Variants in EBF4 observed in about 807,000 individuals in gnomAD.
The protein encoded by EBF4 is transcription factor COE4.
A neutral mutation model predicts 67.1 loss-of-function variants in EBF4; 34 were observed. The ratio of observed to expected loss-of-function variants is 0.51; its 90% confidence interval spans 0.39 to 0.67. The LOEUF (loss-of-function observed/expected upper bound fraction) is 0.67. Ranked by LOEUF, EBF4 falls within the 30% of genes least tolerant of loss-of-function variation. EBF4 has a pLI of 0.00. For missense variants in EBF4, 837 were observed against 873.3 expected (o/e 0.96, Z 0.52); for synonymous variants, 387 against 377.7 (o/e 1.02, Z -0.29).
intron 5 of EBF4, among the ~76,000 whole-genome samples, chr20:2,708,606 G>C (rs1475127960): frequency 2.0e-5 from 3 of 152,190 alleles, no homozygotes; most frequent in Non-Finnish European, 4.4e-5. Flanking sequence ...TGTAATCCCA[G>C]CTACTTGGAA....
At chr20:2,732,519 C>T (rs1020376302) in intron 6 of EBF4, among the ~76,000 whole-genome samples, 3 of 152,234 alleles carry the variant, frequency 2.0e-5, no homozygotes, top group African/African-American at 2.4e-5. Context: ...TAATTTTTAT[C>T]TTAGTGTCTA....
intron 6 of EBF4, among the ~76,000 whole-genome samples, chr20:2,736,372 GC>G (rs2087877223): frequency 6.6e-6 from 1 of 152,156 alleles, no homozygotes; most frequent in South Asian, 2.1e-4. Flanking sequence ...TCTATTGGGG[GC>G]AAATTTAGAC....
intron 5 of EBF4, 137 bp downstream of exon 5, chr20:2,708,157 G>A (rs1198218279): frequency 2.2e-6 from 2 of 899,658 alleles, no homozygotes; most frequent in South Asian, 1.8e-5. Flanking sequence ...GGTGGCAGGT[G>A]ATGAAGGGAG....
intron 1 of EBF4, among the ~76,000 whole-genome samples, chr20:2,698,155 C>T (rs999092724): frequency 1.3e-5 from 2 of 152,036 alleles, no homozygotes; most frequent in Non-Finnish European, 1.5e-5. Flanking sequence ...GAGATTCTTC[C>T]CCCTCCCTTT....
At chr20:2,749,660 C>T (rs745516945) in exon 9 of EBF4, 3 of 1,567,656 alleles carry the variant, frequency 1.9e-6, no homozygotes, top group Non-Finnish European at 2.6e-6. Flanking sequence ...CCGGGGAGGG[C>T]TGGACCACGG....
In EBF4 at chr20:2,693,611, G is replaced by A. The variant is rs1600191328; in HGVS notation, c.-35G>A. ...CCGCAGCCTCAGCGGGACCGGATCC[G>A]GGGCGGCGGGGGCGCTCACTCACCG... is the stretch of plus-strand genomic sequence containing the variant. On this transcript the variant is annotated 5_prime_UTR_variant, in exon 1 of 17. Coordinates refer to ENST00000609451, the Ensembl canonical transcript of EBF4. The surrounding 1 kb of genome is among the most constrained non-coding windows in gnomAD (Gnocchi z 4.6). The A allele has an allele frequency of 2.9e-6, 4 of 1,357,554 alleles. No individual in the cohort carries two copies. The highest frequency in any genetic ancestry group is 3.8e-6 in the Non-Finnish European group (4 of 1,059,250). 84.1% of individuals were successfully genotyped at this position (1,357,554 alleles called of 1,614,324 possible). A position where few individuals can be genotyped will look rare whatever the true frequency, so the allele number is the denominator to read the frequency against.
chr20:2,753,081 G>T (rs2088183306), intron 14 of EBF4, among the ~76,000 whole-genome samples: 1 of 152,260 alleles, frequency 6.6e-6, no homozygotes, highest in South Asian at 2.1e-4. Context: ...TGTGTGATCA[G>T]ACAGAATTTG....
chr20:2,748,620 G>C, exon 7 of EBF4: 1 of 1,551,522 alleles, frequency 6.4e-7, no homozygotes, highest in Non-Finnish European at 8.7e-7. Context: ...AGAGACATGC[G>C]CCGCTTCCAG....
At chr20:2,736,769 C>A (rs2087883325) in intron 6 of EBF4, among the ~76,000 whole-genome samples, 2 of 152,096 alleles carry the variant, frequency 1.3e-5, no homozygotes, top group South Asian at 4.1e-4. Context: ...AGAGGGGGTT[C>A]AAGAGAGATT....
At position 2,707,942 on chromosome 20, in the gene EBF4, C is replaced by A. The variant is rs2087481880; in HGVS notation, c.415-5C>A. ...CCTCCAGCCTGTGCACCTCCCTCTC[C>A]CCAGGCCATCATCTATGAGGGGCAG... is the stretch of plus-strand genomic sequence containing the variant. On this transcript the variant is annotated splice_polypyrimidine_tract_variant and splice_region_variant and intron_variant, in intron 4 of 16. Transcript: ENST00000609451. The surrounding 1 kb of genome is among the most constrained non-coding windows in gnomAD (Gnocchi z 4.6). 1 of 1,590,962 alleles carries A rather than the reference C, an allele frequency of 6.3e-7. No individual in the cohort carries two copies. The highest frequency in any genetic ancestry group is 1.3e-5 in the African/African-American group (1 of 74,604).
chr20:2,709,253 C>T lies in EBF4; in HGVS notation c.489-321C>T, dbSNP rs553356769. Reference sequence around the variant, plus strand: ...CTCACCGTTTGAGCTCCTGTCTCTGCGTAGACTGTGCTTCCATAGAGAGAA... The same window carrying T: ...CTCACCGTTTGAGCTCCTGTCTCTGTGTAGACTGTGCTTCCATAGAGAGAA... On this transcript the variant is annotated intron_variant, in intron 5 of 16. Transcript: ENST00000609451. Among the ~76,000 whole-genome samples, 6 of 152,288 alleles carry T rather than the reference C, an allele frequency of 3.9e-5. No homozygotes were observed. In the South Asian group the frequency reaches 8.3e-4, roughly 21 times the overall value.
rs899736560 is a variant in EBF4 at position 2,707,295 on chromosome 20, C to T, written c.415-652C>T. ...GGGATCCCACAAATGGGGGAAGGCA[C>T]AGAGGGTTATAAACTAGGAAGGCAG... is the stretch of plus-strand genomic sequence containing the variant. On this transcript the variant is annotated intron_variant, in intron 4 of 16. Transcript: ENST00000609451. This position sits in a 1 kb window ranked among gnomAD's most constrained non-coding sequence, Gnocchi z 4.6. Among the ~76,000 whole-genome samples, 10 of 152,010 alleles carry T rather than the reference C, an allele frequency of 6.6e-5. No homozygotes were observed. The highest frequency in any genetic ancestry group is 2.1e-4 in the South Asian group (1 of 4,820).
intron 10 of EBF4, among the ~76,000 whole-genome samples, chr20:2,750,209 C>T (rs889532846): frequency 6.6e-6 from 1 of 152,070 alleles, no homozygotes; most frequent in Non-Finnish European, 1.5e-5. Context: ...GTCCCTTCCC[C>T]GGGGCAAAGT....
At chr20:2,726,071 A>ATTT (rs143700993) in intron 6 of EBF4, among the ~76,000 whole-genome samples, 1 of 151,070 alleles carries the variant, frequency 6.6e-6, no homozygotes, top group African/African-American at 2.4e-5. Flanking sequence ...CTCTACATGT[A>ATTT]TTTTTTTTTC....
chr20:2,730,843 C>T (rs969967252), intron 6 of EBF4, among the ~76,000 whole-genome samples: 2 of 152,212 alleles, frequency 1.3e-5, no homozygotes, highest in African/African-American at 4.8e-5. Flanking sequence ...TCCTATCAGT[C>T]AGTGCTCCAA....
chr20:2,740,843 T>C (rs930008755), intron 6 of EBF4, among the ~76,000 whole-genome samples: 7 of 152,136 alleles, frequency 4.6e-5, no homozygotes, highest in Non-Finnish European at 4.4e-5. Flanking sequence ...CCTTGTAATG[T>C]CAATCTGTCA....
chr20:2,721,275 T>TC (rs2087677526), intron 6 of EBF4, among the ~76,000 whole-genome samples: 1 of 150,144 alleles, frequency 6.7e-6, no homozygotes, highest in South Asian at 2.1e-4. Flanking sequence ...TGGATTTTTT[T>TC]CCCTCTGTGT....
intron 1 of EBF4, among the ~76,000 whole-genome samples, chr20:2,700,249 A>C (rs2146369466): frequency 6.6e-6 from 1 of 151,834 alleles, no homozygotes; most frequent in East Asian, 1.9e-4. Flanking sequence ...TCTCACCCCC[A>C]ACCCCCAGTG....
chr20:2,755,856 G>A lies in EBF4; in HGVS notation c.1738+32G>A. On this transcript the variant is annotated intron_variant, in intron 15 of 16. Coordinates refer to ENST00000609451, the Ensembl canonical transcript of EBF4. The surrounding 1 kb of genome is among the most constrained non-coding windows in gnomAD (Gnocchi z 4.7). The stretch of plus-strand genomic sequence containing the variant: ...GATCCACCCTGCCTCACTGTGGCAG[G>A]AAGGAAGGGCCCTTGTGGAGCAGCT... 6.5e-7 allele frequency: 1 copy of A among 1,534,502 alleles called. No homozygotes were observed. Among genetic ancestry groups the A allele is most frequent in the Non-Finnish European group, 8.8e-7 (1 of 1,141,378 alleles).
Sources: gnomAD v4.1 joint callset for allele counts (sites outside exome capture counted in the v4.1 genomes callset) on GRCh38, gnomAD v4.1.1 for gene constraint, Gnocchi (gnomAD v3.1) non-coding constraint, MANE v1.5 for transcripts, NCBI Gene and HGNC (gene_info 2026-07-23, HGNC 2026-07-21) for gene names.